Variants in NFIA observed in about 807,000 individuals in gnomAD.
NFIA encodes nuclear factor I A.
NFIA carries 8 observed loss-of-function variants against 62.8 expected under a neutral mutation model. The observed-to-expected ratio is 0.13, with a 90% CI of 0.07 to 0.23. The LOEUF (loss-of-function observed/expected upper bound fraction) is 0.23. Among genes scored for constraint, NFIA ranks in the 10% least tolerant of loss-of-function variants. The pLI is 1.00. For synonymous variants in NFIA, 235 were observed against 238.1 expected, an observed-to-expected ratio of 0.99 and a Z score of 0.12; for missense variants, 410 against 642.1, an observed-to-expected ratio of 0.64 and a Z score of 3.91.
At chr1:61,446,508 A>C (rs1013559300) in intron 10 of NFIA, among the ~76,000 whole-genome samples, 1 of 152,182 alleles carries the variant, frequency 6.6e-6, no homozygotes, top group African/African-American at 2.4e-5. Flanking sequence ...TAGAAAGACC[A>C]GGAACAGTGG....
At chr1:61,321,707 A>G (rs576625343) in intron 3 of NFIA, among the ~76,000 whole-genome samples, 1 of 152,134 alleles carries the variant, frequency 6.6e-6, no homozygotes, top group Non-Finnish European at 1.5e-5. Flanking sequence ...CTCCACTACT[A>G]GATGAACTTT....
At chr1:61,211,619 A>G (rs1021641500) in intron 2 of NFIA, among the ~76,000 whole-genome samples, 4 of 152,236 alleles carry the variant, frequency 2.6e-5, no homozygotes, top group Non-Finnish European at 4.4e-5. Context: ...ACACCAGGAA[A>G]TATTACACCC....
At chr1:61,179,176 G>C (rs1285442444) in intron 2 of NFIA, among the ~76,000 whole-genome samples, 1 of 152,224 alleles carries the variant, frequency 6.6e-6, no homozygotes, top group Non-Finnish European at 1.5e-5. Context: ...AGCAGCATGT[G>C]GGGAGGACAC....
intron 10 of NFIA, among the ~76,000 whole-genome samples, chr1:61,453,946 C>G (rs954922081): frequency 6.6e-6 from 1 of 152,138 alleles, no homozygotes; most frequent in African/African-American, 2.4e-5. Context: ...CTACAGGATG[C>G]GTAGTTTTTC....
chr1:61,427,342 A>G (rs557505002), intron 10 of NFIA, among the ~76,000 whole-genome samples: 1 of 152,352 alleles, frequency 6.6e-6, no homozygotes, highest in African/African-American at 2.4e-5. Context: ...TTTGTGAAAT[A>G]GAATTAGATT....
In NFIA at chr1:61,314,171, C is replaced by T. The variant is rs190261729; in HGVS notation, c.626-18341C>T. On this transcript the variant is annotated intron_variant, in intron 3 of 10. Coordinates refer to ENST00000403491, the MANE Select transcript of NFIA (RefSeq NM_001134673.4). ...TGATGACTTGTATAGGCCATCACTG[C>T]TTCCACAAAGCCTTCCCTAGCCCTT... is the stretch of plus-strand genomic sequence containing the variant. Among the ~76,000 whole-genome samples the T allele has an allele frequency of 1.1e-3, 173 of 152,308 alleles. 1 individual carries two copies. The highest frequency in any genetic ancestry group is 2.2e-3 in the Non-Finnish European group (151 of 68,030).
At chr1:61,263,636 C>T (rs1656911926) in intron 2 of NFIA, among the ~76,000 whole-genome samples, 1 of 152,176 alleles carries the variant, frequency 6.6e-6, no homozygotes, top group Non-Finnish European at 1.5e-5. Flanking sequence ...GGCAAGGGTT[C>T]TAACACAGAG....
intron 2 of NFIA, among the ~76,000 whole-genome samples, chr1:61,212,743 C>A (rs1197954323): frequency 2.6e-5 from 4 of 152,174 alleles, no homozygotes; most frequent in Non-Finnish European, 5.9e-5. Flanking sequence ...GCATTCAGAC[C>A]TGCAGACCCC....
intron 10 of NFIA, among the ~76,000 whole-genome samples, chr1:61,452,947 GT>G (rs1280000476): frequency 3.9e-5 from 6 of 152,244 alleles, no homozygotes; most frequent in African/African-American, 7.2e-5. Context: ...AGAAAAAGAG[GT>G]GGGGGGCTGA....
intron 4 of NFIA, among the ~76,000 whole-genome samples, chr1:61,339,188 G>T (rs1661772453): frequency 6.6e-6 from 1 of 152,246 alleles, no homozygotes; most frequent in Non-Finnish European, 1.5e-5. Flanking sequence ...TAATTGGATG[G>T]TCAATAGCAG....
At chr1:61,350,858 C>T (rs147248886) in intron 4 of NFIA, among the ~76,000 whole-genome samples, 6 of 152,292 alleles carry the variant, frequency 3.9e-5, no homozygotes, top group African/African-American at 1.4e-4. Context: ...CCAGGCTTCA[C>T]GTTTTCTGAG....
intron 2 of NFIA, among the ~76,000 whole-genome samples, chr1:61,242,256 C>G (rs1300315578): frequency 6.6e-6 from 1 of 152,084 alleles, no homozygotes; most frequent in Non-Finnish European, 1.5e-5. Context: ...CCAGGCTACA[C>G]AGGAGACAGT....
chr1:61,143,364 G>A (rs1647682917), intron 2 of NFIA, among the ~76,000 whole-genome samples: 1 of 152,062 alleles, frequency 6.6e-6, no homozygotes, highest in African/African-American at 2.4e-5. Flanking sequence ...TAGACATGTA[G>A]CTGAACACTT....
At chr1:61,309,616 C>T (rs1004273447) in intron 3 of NFIA, among the ~76,000 whole-genome samples, 1 of 152,168 alleles carries the variant, frequency 6.6e-6, no homozygotes, top group Non-Finnish European at 1.5e-5. Context: ...TGTGGCCGGG[C>T]GCAGTGGCTA....
chr1:61,329,572 G>A (rs147724083), intron 3 of NFIA, among the ~76,000 whole-genome samples: 4,121 of 151,468 alleles, frequency 0.027, 79 homozygotes, highest in Non-Finnish European at 0.041. Flanking sequence ...CAGTAGAGAC[G>A]GGTTTCACTA....
At chr1:61,123,685 A>G (rs1646924563) in intron 2 of NFIA, among the ~76,000 whole-genome samples, 1 of 87,138 alleles carries the variant, frequency 1.1e-5, no homozygotes, top group Non-Finnish European at 2.3e-5. Context: ...ATACAAATCC[A>G]GTGAGGGGGG....
intron 3 of NFIA, among the ~76,000 whole-genome samples, chr1:61,304,548 T>G (rs566155782): frequency 1.3e-5 from 2 of 152,234 alleles, no homozygotes; most frequent in Admixed American, 6.5e-5. Flanking sequence ...AGGATCTGCC[T>G]AGGAACATGG....
intron 6 of NFIA, among the ~76,000 whole-genome samples, chr1:61,378,562 T>TC (rs1664260768): frequency 1.1e-5 from 1 of 87,542 alleles, no homozygotes; most frequent in Non-Finnish European, 2.3e-5. Flanking sequence ...TTGTTTTCTG[T>TC]ACTGCAGAAC....
intron 7 of NFIA, among the ~76,000 whole-genome samples, chr1:61,391,031 G>GATTTGTTTGTTT (rs1256915838): frequency 6.8e-6 from 1 of 148,144 alleles, no homozygotes; most frequent in South Asian, 2.2e-4. Context: ...GTATATATTT[G>GATTTGTTTGTTT]ATTTGTTTGT....
Sources: gnomAD v4.1 joint callset for allele counts (sites outside exome capture counted in the v4.1 genomes callset) on GRCh38, gnomAD v4.1.1 for gene constraint, MANE v1.5 for transcripts, NCBI Gene and HGNC (gene_info 2026-07-23, HGNC 2026-07-21) for gene names.